FOXP1: variants seen among roughly 807,000 people sequenced by gnomAD.
FOXP1 encodes the protein forkhead box P1.
A neutral mutation model predicts 98.2 loss-of-function variants in FOXP1; 15 were observed. The observed-to-expected ratio is 0.15, with a 90% confidence interval of 0.10 to 0.24. FOXP1 has a LOEUF of 0.24. FOXP1 is among the 10% of genes least tolerant of loss of function. The probability of loss-of-function intolerance (pLI) is 1.00; values close to 1 mark genes in which losing one functional copy is unlikely to be tolerated. For missense variants in FOXP1, 633 were observed against 848.5 expected (o/e 0.75, Z 3.15); for synonymous variants, 371 against 314.5 (o/e 1.18, Z -1.90).
intron 3 of FOXP1, among the ~76,000 whole-genome samples, chr3:71,379,315 G>T (rs1490659440): frequency 6.6e-6 from 1 of 152,096 alleles, no homozygotes; most frequent in Non-Finnish European, 1.5e-5. Flanking sequence ...ACACTGGACC[G>T]CATACTCAGG....
chr3:71,340,625 G>C (rs532124628), intron 4 of FOXP1, among the ~76,000 whole-genome samples: 56 of 152,328 alleles, frequency 3.7e-4, no homozygotes, highest in African/African-American at 1.3e-3. Context: ...GAATAGTGGA[G>C]ACGAAACAAT....
intron 3 of FOXP1, among the ~76,000 whole-genome samples, chr3:71,423,232 T>C (rs910131196): frequency 6.6e-6 from 1 of 152,166 alleles, no homozygotes; most frequent in Non-Finnish European, 1.5e-5. Flanking sequence ...ATTAAGCCCA[T>C]TTCACAGATG....
At chr3:71,264,399 AAT>A (rs2069442750) in intron 5 of FOXP1, among the ~76,000 whole-genome samples, 1 of 152,222 alleles carries the variant, frequency 6.6e-6, no homozygotes, top group Non-Finnish European at 1.5e-5. Context: ...ACCGCCAGCA[AAT>A]ATAAAATCCA....
At chr3:71,554,815 T>G (rs552162264) in intron 2 of FOXP1, among the ~76,000 whole-genome samples, 3 of 152,300 alleles carry the variant, frequency 2.0e-5, no homozygotes, top group African/African-American at 7.2e-5. Flanking sequence ...GTGGACACAG[T>G]CTCCTGAAAA....
intron 5 of FOXP1, among the ~76,000 whole-genome samples, chr3:71,279,820 T>A (rs1263507989): frequency 6.6e-6 from 1 of 152,076 alleles, no homozygotes; most frequent in Admixed American, 6.6e-5. Context: ...TATACCAAAC[T>A]GCCCAATAAA....
Position 70,957,712 on chromosome 3 carries a change from C to CA in FOXP1, c.*1534dup, listed in dbSNP as rs2032157104. 8.6e-6 allele frequency: 2 copies of CA among 233,390 alleles called. No homozygotes were observed. Among genetic ancestry groups the CA allele is most frequent in the Non-Finnish European group, 1.7e-5 (2 of 118,028 alleles). 14.5% of individuals were successfully genotyped at this position (233,390 alleles called of 1,614,324 possible). On this transcript the variant is annotated 3_prime_UTR_variant, in exon 21 of 21. Coordinates refer to ENST00000649528, the MANE Select transcript of FOXP1 (RefSeq NM_001349338.3). The stretch of plus-strand genomic sequence containing the variant: ...CTGCATACCATGTTTGGGACCCCCC[C>CA]AAAGCCCAGGGCCTACATGATATCT...
At chr3:70,971,477 A>T (rs1401960570) in intron 18 of FOXP1, 1 of 153,824 alleles carries the variant, frequency 6.5e-6, no homozygotes, top group Non-Finnish European at 1.4e-5. Flanking sequence ...AATATTAAAA[A>T]ATTACATAGG....
At chr3:71,171,742 G>C (rs975601461) in intron 6 of FOXP1, among the ~76,000 whole-genome samples, 3 of 152,204 alleles carry the variant, frequency 2.0e-5, no homozygotes, top group South Asian at 2.1e-4. Flanking sequence ...TGGAAAATGT[G>C]TATGTAACAA....
At chr3:71,214,166 C>T (rs999772668) in intron 5 of FOXP1, among the ~76,000 whole-genome samples, 1 of 152,218 alleles carries the variant, frequency 6.6e-6, no homozygotes, top group Non-Finnish European at 1.5e-5. Context: ...CCCCTTTGCA[C>T]AGAGATATGC....
At chr3:71,559,125 G>A (rs1174938339) in intron 2 of FOXP1, among the ~76,000 whole-genome samples, 1 of 152,146 alleles carries the variant, frequency 6.6e-6, no homozygotes, top group Non-Finnish European at 1.5e-5. Context: ...TCTTCCTCTG[G>A]CTGTTAATGG....
At chr3:71,547,651 AAC>A (rs1224477299) in intron 2 of FOXP1, among the ~76,000 whole-genome samples, 1 of 152,204 alleles carries the variant, frequency 6.6e-6, no homozygotes, top group Non-Finnish European at 1.5e-5. Flanking sequence ...GAAGAATGTG[AAC>A]ACACAAAGTT....
chr3:71,080,039 G>T (rs912752201), intron 7 of FOXP1, among the ~76,000 whole-genome samples: 1 of 152,162 alleles, frequency 6.6e-6, no homozygotes, highest in Non-Finnish European at 1.5e-5. Context: ...CCCCAAATCA[G>T]GTCTTGTGCT....
At chr3:71,452,693 C>A (rs968537533) in intron 3 of FOXP1, among the ~76,000 whole-genome samples, 1 of 152,126 alleles carries the variant, frequency 6.6e-6, no homozygotes, top group African/African-American at 2.4e-5. Flanking sequence ...GGAGTGCCTG[C>A]CTCCCTCCCA....
chr3:71,519,828 T>C (rs972135323), intron 2 of FOXP1, among the ~76,000 whole-genome samples: 24 of 152,262 alleles, frequency 1.6e-4, no homozygotes, highest in Admixed American at 2.6e-4. Flanking sequence ...TGCACTGGGA[T>C]GTAAGCAAAT....
intron 3 of FOXP1, among the ~76,000 whole-genome samples, chr3:71,456,708 C>G (rs183845505): frequency 2.3e-4 from 35 of 152,248 alleles, no homozygotes; most frequent in Admixed American, 5.2e-4. Context: ...TGACTGAAAT[C>G]TAGTAAGTGC....
chr3:71,424,429 G>A (rs1434992591), intron 3 of FOXP1, among the ~76,000 whole-genome samples: 1 of 152,106 alleles, frequency 6.6e-6, no homozygotes, highest in Admixed American at 6.6e-5. Context: ...GGAAACAAGT[G>A]CTTTGCCCAG....
intron 11 of FOXP1, among the ~76,000 whole-genome samples, chr3:71,037,753 T>A (rs1406762652): frequency 6.6e-6 from 1 of 152,204 alleles, no homozygotes; most frequent in Non-Finnish European, 1.5e-5. Flanking sequence ...TGATGCTGAA[T>A]GTCCATGATT....
At chr3:71,360,060 T>G (rs1045427202) in intron 3 of FOXP1, among the ~76,000 whole-genome samples, 1 of 152,226 alleles carries the variant, frequency 6.6e-6, no homozygotes, top group African/African-American at 2.4e-5. Flanking sequence ...CTCAAAGTGC[T>G]GGGATTACAG....
At chr3:71,064,857 A>G (rs1314881398) in intron 7 of FOXP1, 2 of 981,316 alleles carry the variant, frequency 2.0e-6, no homozygotes, top group East Asian at 2.3e-4. Context: ...AGGCGCGCGG[A>G]GCCGGGCTCG....
Sources: gnomAD v4.1 joint callset for allele counts (sites outside exome capture counted in the v4.1 genomes callset) on GRCh38, gnomAD v4.1.1 for gene constraint, MANE v1.5 for transcripts, NCBI Gene and HGNC (gene_info 2026-07-23, HGNC 2026-07-21) for gene names.